Variants in NINL observed in about 807,000 individuals in gnomAD.
NINL encodes the protein ninein like.
A neutral mutation model predicts 160.3 loss-of-function variants in NINL; 153 were observed. That is an observed-to-expected ratio of 0.95 (90% CI 0.84 to 1.09). NINL has a LOEUF of 1.09. NINL is among the 50% of genes least tolerant of loss of function. The probability of loss-of-function intolerance (pLI) is 0.00; values close to 1 mark genes in which losing one functional copy is unlikely to be tolerated. For synonymous variants in NINL, 800 were observed against 734.8 expected (o/e 1.09, Z -1.43); for missense variants, 1,829 against 1,764.0 (o/e 1.04, Z -0.66).
intron 1 of NINL, among the ~76,000 whole-genome samples, chr20:25,577,377 G>A (rs1347395838): frequency 4.6e-5 from 7 of 152,244 alleles, no homozygotes; most frequent in Non-Finnish European, 8.8e-5. Context: ...TCCTCCTCCC[G>A]AGCATGGCTG....
At position 25,510,617 on chromosome 20, in the gene NINL, A is replaced by C; in HGVS notation, c.517+57T>G. 2.0e-6 allele frequency: 3 copies of C among 1,497,424 alleles called. 1 individual carries two copies. Among genetic ancestry groups the C allele is most frequent in the Non-Finnish European group, 2.8e-6 (3 of 1,074,556 alleles). 92.8% of individuals were successfully genotyped at this position (1,497,424 alleles called of 1,614,324 possible). On this transcript the variant is annotated intron_variant, in intron 5 of 23. Coordinates refer to ENST00000278886, the MANE Select transcript of NINL (RefSeq NM_025176.6). The stretch of plus-strand genomic sequence containing the variant: ...ACACTGCCCAATGACCCGGCTGTTC[A>C]GCTTTCAAAGCTCTGGGCAAAGGCA...
At chr20:25,508,087 A>G (rs529479783) in intron 5 of NINL, among the ~76,000 whole-genome samples, 1 of 152,340 alleles carries the variant, frequency 6.6e-6, no homozygotes, top group Admixed American at 6.5e-5. Context: ...GATGTAAGAC[A>G]CGGCAGCTTG....
rs181481674 is a variant in NINL at position 25,474,846 on chromosome 20, C to T, written c.3248+1197G>A. On this transcript the variant is annotated intron_variant, in intron 17 of 23. Transcript: ENST00000278886. ...TGTTGCCCAGGCTGAAGTGCAGTGGCGCGATCTCAAAACTCACTGCAACTT... is the reference window on the plus strand; with the variant it reads ...TGTTGCCCAGGCTGAAGTGCAGTGGTGCGATCTCAAAACTCACTGCAACTT... Among the ~76,000 whole-genome samples the T allele has an allele frequency of 2.3e-4, 35 of 150,448 alleles. No individual in the cohort carries two copies. In the East Asian group the frequency reaches 6.4e-3, roughly 28 times the overall value.
intron 8 of NINL, among the ~76,000 whole-genome samples, chr20:25,499,775 A>G (rs2063829543): frequency 6.6e-6 from 1 of 152,018 alleles, no homozygotes; most frequent in South Asian, 2.1e-4. Context: ...TTCTGAGGGA[A>G]TATGACAGAG....
intron 1 of NINL, among the ~76,000 whole-genome samples, chr20:25,529,101 T>C (rs1320270467): frequency 6.6e-6 from 1 of 152,110 alleles, no homozygotes; most frequent in Non-Finnish European, 1.5e-5. Flanking sequence ...GAAAACAATA[T>C]AATCAGTGAT....
chr20:25,466,424 G>C (rs550345391), intron 19 of NINL, among the ~76,000 whole-genome samples: 1 of 152,368 alleles, frequency 6.6e-6, no homozygotes, highest in South Asian at 2.1e-4. Flanking sequence ...GCGGATAACA[G>C]TTGCATTAAT....
chr20:25,477,424 CT>C (rs2146530092), intron 16 of NINL, among the ~76,000 whole-genome samples: 1 of 152,378 alleles, frequency 6.6e-6, no homozygotes, highest in South Asian at 2.1e-4. Flanking sequence ...GCCCTCAAGG[CT>C]CCCAACTGGA....
intron 22 of NINL, 115 bp downstream of exon 22, chr20:25,458,268 A>T: frequency 7.6e-7 from 1 of 1,323,924 alleles, no homozygotes; most frequent in Non-Finnish European, 1.1e-6. Flanking sequence ...CTGACATGCT[A>T]CATACGTGAC....
intron 1 of NINL, among the ~76,000 whole-genome samples, chr20:25,577,145 G>A (rs537879674): frequency 1.3e-5 from 2 of 152,322 alleles, no homozygotes; most frequent in Non-Finnish European, 2.9e-5. Flanking sequence ...ACCTTCATTT[G>A]GGGCCTTGGA....
intron 14 of NINL, 154 bp downstream of exon 14, chr20:25,481,814 G>A: frequency 1.8e-6 from 2 of 1,125,794 alleles, no homozygotes; most frequent in Non-Finnish European, 2.5e-6. Flanking sequence ...GGCATCCCTG[G>A]ATCCTCCTTG....
intron 1 of NINL, among the ~76,000 whole-genome samples, chr20:25,546,905 A>T (rs2064740331): frequency 6.6e-6 from 1 of 152,176 alleles, no homozygotes; most frequent in African/African-American, 2.4e-5. Flanking sequence ...CGTCTCATCA[A>T]GAAGTTGGCG....
At chr20:25,576,006 C>G (rs1600371812) in intron 1 of NINL, among the ~76,000 whole-genome samples, 1 of 152,280 alleles carries the variant, frequency 6.6e-6, no homozygotes, top group East Asian at 1.9e-4. Context: ...TCACTAAGCT[C>G]AAGGAGACAG....
chr20:25,538,870 A>G (rs2064609037), intron 1 of NINL, among the ~76,000 whole-genome samples: 2 of 152,196 alleles, frequency 1.3e-5, no homozygotes, highest in Admixed American at 6.5e-5. Context: ...ACACAGGGTC[A>G]GGGAGCACAG....
chr20:25,464,030 G>C (rs1189229877), intron 19 of NINL, among the ~76,000 whole-genome samples: 1 of 152,226 alleles, frequency 6.6e-6, no homozygotes, highest in Admixed American at 6.5e-5. Flanking sequence ...TCTAAAGACA[G>C]CCTTGATTTC....
intron 15 of NINL, among the ~76,000 whole-genome samples, chr20:25,479,593 G>T (rs896175241): frequency 1.3e-5 from 2 of 152,174 alleles, no homozygotes; most frequent in African/African-American, 4.8e-5. Flanking sequence ...AGGGCTCGCC[G>T]GAGCTTCCAG....
Position 25,455,750 on chromosome 20 carries a change from G to T in NINL, c.3880C>A (p.Arg1294=), listed in dbSNP as rs759311453. The T allele has an allele frequency of 1.6e-5, 26 of 1,613,958 alleles. No homozygotes were observed. The highest frequency in any genetic ancestry group is 1.9e-5 in the Non-Finnish European group (22 of 1,179,978). The change falls in exon 23 of 24, where the codon CGG becomes AGG. Residue 1294 remains arginine (R), a synonymous_variant. Coordinates refer to ENST00000278886, the MANE Select transcript of NINL (RefSeq NM_025176.6). ...HEKQLKATEE[R]VEEAEMILKN... ...AGAATCATCTCCGCCTCTTCCACCCGCTCTTCTGTGGCTTTCAGCTGTTTC... is the reference window on the plus strand; with the variant it reads ...AGAATCATCTCCGCCTCTTCCACCCTCTCTTCTGTGGCTTTCAGCTGTTTC...
At chr20:25,496,596 C>T in intron 10 of NINL, 67 bp downstream of exon 10, 12 of 1,580,778 alleles carry the variant, frequency 7.6e-6, no homozygotes, top group Non-Finnish European at 1.0e-5. Flanking sequence ...GCCCTGTGTC[C>T]ACTACCTGCC....
chr20:25,584,407 C>G lies in NINL; in HGVS notation c.-12+1048G>C, dbSNP rs1047594734. On this transcript the variant is annotated intron_variant, in intron 1 of 23. Coordinates refer to ENST00000278886, the MANE Select transcript of NINL (RefSeq NM_025176.6). ...TCCGGGAGGCAGAGGTTGCAGTGAG[C>G]CGAGATGGCGCCATTGCACTCCAGC... 8.5e-5 allele frequency among the ~76,000 whole-genome samples: 13 copies of G among 152,356 alleles called. 1 individual carries two copies. The South Asian group carries it at 2.7e-3, about 32-fold the overall frequency.
intron 18 of NINL, among the ~76,000 whole-genome samples, chr20:25,469,378 C>T (rs2063032281): frequency 7.1e-6 from 1 of 140,422 alleles, no homozygotes; most frequent in Admixed American, 6.9e-5. Flanking sequence ...CTGCCCTGCC[C>T]CCCTGACTCT....
Sources: gnomAD v4.1 joint callset for allele counts (sites outside exome capture counted in the v4.1 genomes callset) on GRCh38, gnomAD v4.1.1 for gene constraint, MANE v1.5 for transcripts, NCBI Gene and HGNC (gene_info 2026-07-23, HGNC 2026-07-21) for gene names.